DACH2: variants seen among roughly 807,000 people sequenced by gnomAD.
DACH2 encodes dachshund family transcription factor 2, also known as dachshund homolog 2.
Under a neutral mutation model 35.8 loss-of-function variants are expected in DACH2, and 17 were observed. That is an observed-to-expected ratio of 0.48 (90% CI 0.33 to 0.71). The LOEUF (loss-of-function observed/expected upper bound fraction) is 0.71, where lower values mean the gene tolerates loss of function less well. Ranked by LOEUF, DACH2 falls within the 30% of genes least tolerant of loss-of-function variation. The probability of loss-of-function intolerance (pLI) is 0.02; values close to 1 mark genes in which losing one functional copy is unlikely to be tolerated. For missense variants in DACH2, 469 were observed against 472.7 expected, an observed-to-expected ratio of 0.99 and a Z score of 0.07; for synonymous variants, 195 against 177.3, an observed-to-expected ratio of 1.10 and a Z score of -0.79.
chrX:86,280,347 C>T (rs905833402), intron 1 of DACH2, among the ~76,000 whole-genome samples: 3 of 111,849 alleles, frequency 2.7e-5, no homozygotes, highest in Admixed American at 9.5e-5. Flanking sequence ...CATATCTACC[C>T]GAACTAAGCT....
Position 86,398,210 on chromosome X carries a change from T to C in DACH2, c.527+21348T>C, listed in dbSNP as rs780299717. On this transcript the variant is annotated intron_variant, in intron 2 of 11. Transcript: ENST00000373125. The stretch of plus-strand genomic sequence containing the variant: ...TATAGTATTCTCTGATGGTAGTTTG[T>C]ATTTCTGTGGGATCGGTGGTGATAT... 1.1e-3 allele frequency among the ~76,000 whole-genome samples: 119 copies of C among 112,336 alleles called. 1 individual carries two copies. The highest frequency in any genetic ancestry group is 3.8e-3 in the African/African-American group (117 of 30,920).
chrX:86,163,074 A>T (rs2030820586), intron 1 of DACH2, among the ~76,000 whole-genome samples: 1 of 110,994 alleles, frequency 9.0e-6, no homozygotes, highest in African/African-American at 3.3e-5. Context: ...AAGTTATTTT[A>T]AAAAGTACAG....
intron 7 of DACH2, among the ~76,000 whole-genome samples, chrX:86,770,168 ATT>A (rs11354691): frequency 8.5e-5 from 9 of 105,434 alleles, no homozygotes; most frequent in Admixed American, 1.0e-4. Context: ...AGAGCCACTC[ATT>A]TTTTTTTTTC....
chrX:86,401,071 G>T (rs963601920), intron 2 of DACH2, among the ~76,000 whole-genome samples: 1 of 111,946 alleles, frequency 8.9e-6, no homozygotes, highest in Non-Finnish European at 1.9e-5. Context: ...CTCAAGCCTG[G>T]GCAATGGCAG....
At chrX:86,787,389 G>A (rs1211846081) in intron 7 of DACH2, among the ~76,000 whole-genome samples, 4 of 111,358 alleles carry the variant, frequency 3.6e-5, no homozygotes, top group African/African-American at 1.3e-4. Context: ...GGAGGCCAAG[G>A]AGGTTGGATC....
chrX:86,579,318 C>A, intron 3 of DACH2, among the ~76,000 whole-genome samples: 1 of 111,263 alleles, frequency 9.0e-6, no homozygotes, highest in Middle Eastern at 4.6e-3. Flanking sequence ...GTCTCGAACT[C>A]CTGACCTCAA....
intron 1 of DACH2, among the ~76,000 whole-genome samples, chrX:86,341,633 A>G (rs1369642832): frequency 8.9e-6 from 1 of 112,169 alleles, no homozygotes; most frequent in African/African-American, 3.2e-5. Flanking sequence ...GCGGCCATAG[A>G]TAGTGATTCA....
intron 1 of DACH2, among the ~76,000 whole-genome samples, chrX:86,325,798 C>T (rs778734937): frequency 9.0e-6 from 1 of 111,707 alleles, no homozygotes; most frequent in Non-Finnish European, 1.9e-5. Flanking sequence ...CAGAGTTTTG[C>T]CTTATAGATA....
chrX:86,668,835 G>A (rs1421581839), intron 4 of DACH2, among the ~76,000 whole-genome samples: 1 of 111,572 alleles, frequency 9.0e-6, no homozygotes, highest in Non-Finnish European at 1.9e-5. Context: ...GGAAACAAGG[G>A]TTTTGGATTT....
chrX:86,746,498 G>A (rs1291901045), intron 7 of DACH2, among the ~76,000 whole-genome samples: 1 of 111,863 alleles, frequency 8.9e-6, no homozygotes, highest in Non-Finnish European at 1.9e-5. Context: ...ATTCCCTGAT[G>A]AATAATCATT....
At chrX:86,540,359 A>C (rs1419127845) in intron 3 of DACH2, among the ~76,000 whole-genome samples, 1 of 112,174 alleles carries the variant, frequency 8.9e-6, no homozygotes, top group Non-Finnish European at 1.9e-5. Context: ...CAGAAACAAG[A>C]TGTTAAATGT....
chrX:86,298,113 C>T (rs749501112), intron 1 of DACH2, among the ~76,000 whole-genome samples: 62 of 111,456 alleles, frequency 5.6e-4, no homozygotes, highest in African/African-American at 1.9e-3. Flanking sequence ...GGTTCCTGAG[C>T]GCATTGTTTG....
At chrX:86,381,751 T>C (rs2036049594) in intron 2 of DACH2, among the ~76,000 whole-genome samples, 1 of 110,935 alleles carries the variant, frequency 9.0e-6, no homozygotes, top group Non-Finnish European at 1.9e-5. Context: ...TTGTGAAAAT[T>C]GTTGTAACAC....
intron 3 of DACH2, among the ~76,000 whole-genome samples, chrX:86,639,319 T>C (rs1188431594): frequency 1.8e-5 from 2 of 111,475 alleles, no homozygotes; most frequent in African/African-American, 3.3e-5. Flanking sequence ...ACTTCTCCCA[T>C]AGATCTTTGC....
chrX:86,496,666 G>C (rs1209218041), intron 2 of DACH2, among the ~76,000 whole-genome samples: 1 of 106,253 alleles, frequency 9.4e-6, no homozygotes, highest in African/African-American at 3.8e-5. Flanking sequence ...CAGATGTTGA[G>C]ACTGATGATG....
At chrX:86,149,558 A>G (rs2030288875) in intron 1 of DACH2, among the ~76,000 whole-genome samples, 1 of 111,982 alleles carries the variant, frequency 8.9e-6, no homozygotes, top group Non-Finnish European at 1.9e-5. Flanking sequence ...AAGCCAGAAC[A>G]CAGCATTTGG....
chrX:86,393,221 AG>A (rs1416959569), intron 2 of DACH2, among the ~76,000 whole-genome samples: 1 of 111,266 alleles, frequency 9.0e-6, no homozygotes, highest in Non-Finnish European at 1.9e-5. Context: ...TCTCACATTC[AG>A]AATTTCACAT....
chrX:86,475,131 T>C (rs1165094364), intron 2 of DACH2, among the ~76,000 whole-genome samples: 1 of 111,580 alleles, frequency 9.0e-6, no homozygotes, highest in Non-Finnish European at 1.9e-5. Flanking sequence ...AATTTTGTTG[T>C]TTTTACTCGG....
At chrX:86,436,722 CT>C (rs1364705463) in intron 2 of DACH2, among the ~76,000 whole-genome samples, 1 of 111,049 alleles carries the variant, frequency 9.0e-6, no homozygotes, top group Admixed American at 9.6e-5. Context: ...GGAACAATTT[CT>C]TTCTTAAATT....
Sources: allele counts gnomAD v4.1 joint callset (sites outside exome capture counted in the v4.1 genomes callset), GRCh38; gene constraint gnomAD v4.1.1; transcripts MANE v1.5; gene names NCBI Gene and HGNC (gene_info 2026-07-23, HGNC 2026-07-21).